FARS2: variants seen among roughly 807,000 people sequenced by gnomAD.
FARS2 encodes the protein phenylalanine--tRNA ligase, mitochondrial.
Under a neutral mutation model 46.4 loss-of-function variants are expected in FARS2, and 40 were observed. That is an observed-to-expected ratio of 0.86 (90% CI 0.67 to 1.12). The LOEUF is 1.12. Among genes scored for constraint, FARS2 ranks in the 50% most tolerant of loss-of-function variants. The probability of loss-of-function intolerance (pLI) is 0.00; values close to 1 mark genes in which losing one functional copy is unlikely to be tolerated. For synonymous variants in FARS2, 234 were observed against 214.9 expected (o/e 1.09, Z -0.78); for missense variants, 513 against 567.9 (o/e 0.90, Z 0.98).
At chr6:5,270,316 A>G (rs756827203) in intron 1 of FARS2, among the ~76,000 whole-genome samples, 1 of 152,220 alleles carries the variant, frequency 6.6e-6, no homozygotes, top group Non-Finnish European at 1.5e-5. Context: ...CCTGTTAGGA[A>G]TCCCACTTAC....
rs77063302 is a variant in FARS2 at position 5,554,976 on chromosome 6, T to C, written c.1065+9636T>C. Among the ~76,000 whole-genome samples, 692 of 152,214 alleles carry C rather than the reference T, an allele frequency of 4.5e-3. 12 individuals carry two copies. The highest frequency in any genetic ancestry group is 0.014 in the African/African-American group (591 of 41,492). On this transcript the variant is annotated intron_variant, in intron 5 of 6. Coordinates refer to ENST00000274680, the MANE Select transcript of FARS2 (RefSeq NM_006567.5). ...GTCAAGAGACACTTATTAAATAATA[T>C]GTAATATGGTTTGGCTCTGTGTCCC...
At chr6:5,683,406 A>T (rs1561797384) in intron 6 of FARS2, among the ~76,000 whole-genome samples, 2 of 152,024 alleles carry the variant, frequency 1.3e-5, no homozygotes, top group Admixed American at 1.3e-4. Flanking sequence ...TCCTGGGTGA[A>T]CATTTGCCTA....
intron 1 of FARS2, among the ~76,000 whole-genome samples, chr6:5,313,375 G>T (rs539068351): frequency 6.6e-6 from 1 of 152,258 alleles, no homozygotes; most frequent in Admixed American, 6.5e-5. Flanking sequence ...TAGCTCCTCT[G>T]TCGTACTTAA....
intron 1 of FARS2, among the ~76,000 whole-genome samples, chr6:5,315,183 G>A (rs900355157): frequency 2.3e-4 from 35 of 152,320 alleles, no homozygotes; most frequent in African/African-American, 7.2e-4. Context: ...GTATTATAAT[G>A]TATATAATCT....
At position 5,413,130 on chromosome 6, in the gene FARS2, C is replaced by A. The variant is rs114656291; in HGVS notation, c.772+8429C>A. Among the ~76,000 whole-genome samples the A allele has an allele frequency of 5.4e-3, 823 of 152,116 alleles. 6 individuals are homozygous for A. Among genetic ancestry groups the A allele is most frequent in the African/African-American group, 0.019 (774 of 41,466 alleles). On this transcript the variant is annotated intron_variant, in intron 3 of 6. Transcript: ENST00000274680. ...ATATACTAGGGTTGATCTGTTGGGG[C>A]TAAGGAATTGGTACAAGGGAACCTC...
chr6:5,306,190 T>C (rs1429412766), intron 1 of FARS2, among the ~76,000 whole-genome samples: 2 of 152,108 alleles, frequency 1.3e-5, no homozygotes, highest in African/African-American at 4.8e-5. Context: ...AACTCCGGGG[T>C]TGTTTTTCCT....
intron 4 of FARS2, among the ~76,000 whole-genome samples, chr6:5,440,318 C>T (rs1262746730): frequency 6.6e-6 from 1 of 152,072 alleles, no homozygotes; most frequent in Non-Finnish European, 1.5e-5. Flanking sequence ...ATTTTTTCTG[C>T]AAGAAATGTG....
At chr6:5,468,553 C>T (rs747679231) in intron 4 of FARS2, among the ~76,000 whole-genome samples, 23 of 152,204 alleles carry the variant, frequency 1.5e-4, no homozygotes, top group Admixed American at 8.5e-4. Context: ...AAATATAATT[C>T]GACCAGAAAT....
At chr6:5,720,984 T>G (rs1759861627) in intron 6 of FARS2, among the ~76,000 whole-genome samples, 1 of 152,130 alleles carries the variant, frequency 6.6e-6, no homozygotes. Flanking sequence ...GGCCAGGAGG[T>G]CGAGGCTGCA....
intron 5 of FARS2, among the ~76,000 whole-genome samples, chr6:5,549,606 C>T (rs374997166): frequency 6.6e-6 from 1 of 152,238 alleles, no homozygotes; most frequent in Non-Finnish European, 1.5e-5. Flanking sequence ...TTGTATCAAG[C>T]CTTGCTGGGT....
intron 5 of FARS2, among the ~76,000 whole-genome samples, chr6:5,600,507 A>G (rs534912713): frequency 6.6e-6 from 1 of 152,384 alleles, no homozygotes; most frequent in South Asian, 2.1e-4. Flanking sequence ...ACCTGAATTC[A>G]TAAAGTACCA....
At chr6:5,423,348 G>T (rs2127753960) in intron 3 of FARS2, among the ~76,000 whole-genome samples, 1 of 152,042 alleles carries the variant, frequency 6.6e-6, no homozygotes, top group Non-Finnish European at 1.5e-5. Flanking sequence ...CCATTAAATT[G>T]TGCCATACTC....
At chr6:5,341,503 AT>A (rs1270285513) in intron 1 of FARS2, among the ~76,000 whole-genome samples, 1 of 150,368 alleles carries the variant, frequency 6.7e-6, no homozygotes, top group Non-Finnish European at 1.5e-5. Flanking sequence ...TCATGACTTT[AT>A]TTATTTATTA....
chr6:5,506,783 C>T (rs940886832), intron 4 of FARS2, among the ~76,000 whole-genome samples: 1 of 152,220 alleles, frequency 6.6e-6, no homozygotes, highest in African/African-American at 2.4e-5. Flanking sequence ...TTCATGAAAA[C>T]AGCTAGATGG....
chr6:5,423,537 A>G (rs1027085895), intron 3 of FARS2, among the ~76,000 whole-genome samples: 5 of 152,156 alleles, frequency 3.3e-5, no homozygotes, highest in Admixed American at 2.6e-4. Flanking sequence ...TACCATTGCC[A>G]ATGGTGGAGG....
chr6:5,292,951 A>G (rs980685882), intron 1 of FARS2, among the ~76,000 whole-genome samples: 11 of 152,222 alleles, frequency 7.2e-5, no homozygotes, highest in Non-Finnish European at 1.3e-4. Flanking sequence ...ACAAAAACTG[A>G]GGGAAGGCAC....
At chr6:5,402,902 A>T (rs1425061220) in intron 2 of FARS2, among the ~76,000 whole-genome samples, 1 of 151,876 alleles carries the variant, frequency 6.6e-6, no homozygotes, top group Non-Finnish European at 1.5e-5. Flanking sequence ...CAACCTTAGC[A>T]CCTCACTCAT....
At chr6:5,257,251 G>A (rs544512111), upstream of FARS2, among the ~76,000 whole-genome samples, 2 of 151,772 alleles carry the variant, frequency 1.3e-5, no homozygotes, top group East Asian at 3.9e-4. Context: ...TCCTGTCACC[G>A]CCCCCCCAAC....
At chr6:5,450,916 G>C (rs1199059999) in intron 4 of FARS2, among the ~76,000 whole-genome samples, 3 of 152,110 alleles carry the variant, frequency 2.0e-5, no homozygotes, top group Non-Finnish European at 1.5e-5. Flanking sequence ...TCTCCATGAA[G>C]GTATTCAGGG....
Sources: gnomAD v4.1 joint callset for allele counts (sites outside exome capture counted in the v4.1 genomes callset) on GRCh38, gnomAD v4.1.1 for gene constraint, MANE v1.5 for transcripts, NCBI Gene and HGNC (gene_info 2026-07-23, HGNC 2026-07-21) for gene names.